The following EXOC6B variants were observed in gnomAD, a reference collection of about 807,000 sequenced individuals.
EXOC6B encodes SEC15 homolog B.
Under a neutral mutation model 113.5 loss-of-function variants are expected in EXOC6B, and 54 were observed. The ratio of observed to expected loss-of-function variants is 0.48; its 90% confidence interval spans 0.38 to 0.60. The LOEUF (loss-of-function observed/expected upper bound fraction) is 0.60. Ranked by LOEUF, EXOC6B falls within the 20% of genes least tolerant of loss-of-function variation. The pLI, the probability that EXOC6B is intolerant of heterozygous loss-of-function variation, is 0.00. For missense variants in EXOC6B, 797 were observed against 977.5 expected (o/e 0.82, Z 2.46); for synonymous variants, 357 against 339.0 (o/e 1.05, Z -0.58).
At position 72,429,446 on chromosome 2, in the gene EXOC6B, A is replaced by G. The variant is rs144542984; in HGVS notation, c.1980+35714T>C. On this transcript the variant is annotated intron_variant, in intron 18 of 21. Transcript: ENST00000272427. ...TAAAGTGGTTCGATTTGATATATAC[A>G]TACATCAGATCTTAGATAATCATAG... 1.2e-4 allele frequency among the ~76,000 whole-genome samples: 19 copies of G among 152,364 alleles called. No homozygotes were observed. The East Asian group carries it at 3.5e-3, about 28-fold the overall frequency.
chr2:72,328,453 T>G (rs527375645), intron 20 of EXOC6B, among the ~76,000 whole-genome samples: 7 of 151,782 alleles, frequency 4.6e-5, no homozygotes, highest in African/African-American at 1.7e-4. Context: ...CCTTGGAGCA[T>G]CAGGCCACCT....
intron 20 of EXOC6B, among the ~76,000 whole-genome samples, chr2:72,231,345 C>G (rs566591901): frequency 6.6e-6 from 1 of 152,008 alleles, no homozygotes; most frequent in Non-Finnish European, 1.5e-5. Context: ...ATTATAGATG[C>G]ATTTGTAATC....
At chr2:72,285,336 A>T (rs1303155380) in intron 20 of EXOC6B, among the ~76,000 whole-genome samples, 2 of 152,112 alleles carry the variant, frequency 1.3e-5, no homozygotes, top group Non-Finnish European at 2.9e-5. Context: ...TCAGAAAAAT[A>T]TATATAAAAA....
At chr2:72,739,636 T>G (rs1681180163) in intron 2 of EXOC6B, among the ~76,000 whole-genome samples, 1 of 152,088 alleles carries the variant, frequency 6.6e-6, no homozygotes, top group Non-Finnish European at 1.5e-5. Flanking sequence ...TACTAGTTCT[T>G]TCATGGTTTT....
At chr2:72,342,789 C>A (rs1050612890) in intron 19 of EXOC6B, among the ~76,000 whole-genome samples, 1 of 151,858 alleles carries the variant, frequency 6.6e-6, no homozygotes. Flanking sequence ...ACAACAACAA[C>A]AAAAACCCAA....
chr2:72,786,759 T>G (rs776067994), intron 1 of EXOC6B, among the ~76,000 whole-genome samples: 1 of 152,186 alleles, frequency 6.6e-6, no homozygotes, highest in Non-Finnish European at 1.5e-5. Flanking sequence ...GTCTGTCTTA[T>G]TTACTGATAC....
intron 6 of EXOC6B, among the ~76,000 whole-genome samples, chr2:72,651,846 C>T (rs561655709): frequency 4.6e-5 from 7 of 152,126 alleles, no homozygotes; most frequent in Non-Finnish European, 1.0e-4. Context: ...ATCTCCTGAC[C>T]TTGTGATCCG....
chr2:72,482,428 G>A (rs946896707), intron 16 of EXOC6B, among the ~76,000 whole-genome samples: 3 of 151,788 alleles, frequency 2.0e-5, no homozygotes, highest in African/African-American at 4.8e-5. Context: ...GGCAGGTAGC[G>A]GGGAGTTTTG....
intron 7 of EXOC6B, among the ~76,000 whole-genome samples, chr2:72,562,817 T>C (rs1422976582): frequency 1.3e-5 from 2 of 152,184 alleles, no homozygotes; most frequent in African/African-American, 4.8e-5. Context: ...GACTTTAAGA[T>C]ACTGGAGTCT....
In EXOC6B at chr2:72,804,754, C is replaced by A. The variant is rs532543647; in HGVS notation, c.113+21044G>T. ...GGGATTACAGGCACGCACCACCACG[C>A]CCAGCTAATTTTTTTGTATTTTTAG... On this transcript the variant is annotated intron_variant, in intron 1 of 21. Transcript: ENST00000272427. Among the ~76,000 whole-genome samples, 54 of 152,088 alleles carry A rather than the reference C, an allele frequency of 3.6e-4. 1 individual carries two copies. The South Asian group carries it at 0.011, about 30-fold the overall frequency.
At position 72,342,274 on chromosome 2, in the gene EXOC6B, T is replaced by A. The variant is rs142435369; in HGVS notation, c.2123-7254A>T. Among the ~76,000 whole-genome samples the A allele has an allele frequency of 1.6e-4, 24 of 151,506 alleles. No homozygotes were observed. The East Asian group carries it at 4.5e-3, about 28-fold the overall frequency. ...ATGATAAAGATCAGAGCATAAGAAA[T>A]GAAATAGAGACTAGAAAAAAATAGA... On this transcript the variant is annotated intron_variant, in intron 19 of 21. Coordinates refer to ENST00000272427, the MANE Select transcript of EXOC6B (RefSeq NM_015189.3).
chr2:72,410,967 G>A (rs932872676), intron 18 of EXOC6B, among the ~76,000 whole-genome samples: 4 of 152,270 alleles, frequency 2.6e-5, no homozygotes, highest in Admixed American at 2.6e-4. Context: ...CCAGTACTTT[G>A]GGAGGCCAAG....
At chr2:72,407,122 G>T (rs9677947) in intron 18 of EXOC6B, among the ~76,000 whole-genome samples, 30,307 of 152,092 alleles carry the variant, frequency 0.2, 5,553 homozygotes, top group African/African-American at 0.49. Flanking sequence ...TAGAAGAAAT[G>T]GATAAATTCC....
At chr2:72,225,391 T>C (rs760229789) in intron 20 of EXOC6B, among the ~76,000 whole-genome samples, 2 of 152,210 alleles carry the variant, frequency 1.3e-5, no homozygotes, top group Non-Finnish European at 2.9e-5. Context: ...CATTATTCTT[T>C]ATTAAATTTT....
intron 1 of EXOC6B, among the ~76,000 whole-genome samples, chr2:72,762,172 A>T (rs1355808637): frequency 6.6e-6 from 1 of 151,792 alleles, no homozygotes; most frequent in African/African-American, 2.4e-5. Flanking sequence ...TTAACTGGGG[A>T]AGCAGAGGTT....
At chr2:72,710,588 C>G (rs892605105) in intron 6 of EXOC6B, among the ~76,000 whole-genome samples, 20 of 152,074 alleles carry the variant, frequency 1.3e-4, no homozygotes, top group Non-Finnish European at 2.4e-4. Flanking sequence ...CTACAGAGAC[C>G]ACACTCTGTG....
At chr2:72,313,010 C>T (rs1324905350) in intron 20 of EXOC6B, among the ~76,000 whole-genome samples, 4 of 151,910 alleles carry the variant, frequency 2.6e-5, no homozygotes, top group Non-Finnish European at 5.9e-5. Flanking sequence ...AAATTGATGC[C>T]GATTTCTCAG....
At chr2:72,631,438 A>G (rs1359590957) in intron 6 of EXOC6B, among the ~76,000 whole-genome samples, 456 of 33,456 alleles carry the variant, frequency 0.014, 23 homozygotes, top group African/African-American at 0.026. Flanking sequence ...ATATATATAT[A>G]TATATATATA....
intron 1 of EXOC6B, among the ~76,000 whole-genome samples, chr2:72,817,332 A>C (rs908819946): frequency 1.3e-5 from 2 of 152,254 alleles, no homozygotes; most frequent in Admixed American, 6.5e-5. Context: ...ATATGTAGTT[A>C]TAAAAAACAT....
Sources: gnomAD v4.1 joint callset for allele counts (sites outside exome capture counted in the v4.1 genomes callset) on GRCh38, gnomAD v4.1.1 for gene constraint, MANE v1.5 for transcripts, NCBI Gene and HGNC (gene_info 2026-07-23, HGNC 2026-07-21) for gene names.